ACOXL: variants seen among roughly 807,000 people sequenced by gnomAD.
The protein encoded by ACOXL is acyl-CoA oxidase like.
ACOXL carries 70 observed loss-of-function variants against 71.9 expected under a neutral mutation model. The observed-to-expected ratio is 0.97, with a 90% CI of 0.80 to 1.19. The LOEUF (loss-of-function observed/expected upper bound fraction) is 1.19, where lower values mean the gene tolerates loss of function less well. Among genes scored for constraint, ACOXL ranks in the 50% most tolerant of loss-of-function variants. The probability of loss-of-function intolerance (pLI) is 0.00; values close to 1 mark genes in which losing one functional copy is unlikely to be tolerated. For missense variants in ACOXL, 703 were observed against 736.3 expected, an observed-to-expected ratio of 0.95 and a Z score of 0.52; for synonymous variants, 253 against 281.6, an observed-to-expected ratio of 0.90 and a Z score of 1.02.
At chr2:110,773,819 G>A (rs1185421346) in intron 2 of ACOXL, among the ~76,000 whole-genome samples, 1 of 152,226 alleles carries the variant, frequency 6.6e-6, no homozygotes, top group Non-Finnish European at 1.5e-5. Context: ...GGCCGCCTGG[G>A]ATATCTTGGA....
intron 12 of ACOXL, 90 bp downstream of exon 12, chr2:110,933,732 G>C: frequency 7.0e-7 from 1 of 1,434,524 alleles, no homozygotes; most frequent in Non-Finnish European, 9.2e-7. Flanking sequence ...ACATGCTTCA[G>C]AGTCTAATAG....
At chr2:110,963,542 A>G (rs1474875983) in intron 12 of ACOXL, 4 of 1,544,062 alleles carry the variant, frequency 2.6e-6, no homozygotes, top group African/African-American at 2.7e-5. Flanking sequence ...AGTCCTATGT[A>G]GTGATGGGAT....
intron 1 of ACOXL, among the ~76,000 whole-genome samples, chr2:110,759,000 A>T (rs1680042748): frequency 6.6e-6 from 1 of 152,150 alleles, no homozygotes; most frequent in Non-Finnish European, 1.5e-5. Context: ...TGAATTTCTT[A>T]ATCTTGAGTT....
At chr2:110,979,031 C>T (rs750372640) in intron 12 of ACOXL, among the ~76,000 whole-genome samples, 10 of 152,014 alleles carry the variant, frequency 6.6e-5, no homozygotes, top group South Asian at 2.1e-4. Context: ...AGGGCGATTC[C>T]GGGGGTGAGT....
intron 12 of ACOXL, among the ~76,000 whole-genome samples, chr2:110,976,087 A>G (rs1181544247): frequency 1.3e-5 from 2 of 152,190 alleles, no homozygotes; most frequent in Non-Finnish European, 2.9e-5. Flanking sequence ...AGAGATTAGA[A>G]CCTGAAAACA....
chr2:110,895,014 C>G (rs139987647), intron 10 of ACOXL, among the ~76,000 whole-genome samples: 1 of 152,116 alleles, frequency 6.6e-6, no homozygotes, highest in African/African-American at 2.4e-5. Context: ...GAAAATCACT[C>G]ACTATATCAA....
intron 10 of ACOXL, among the ~76,000 whole-genome samples, chr2:110,878,802 G>A (rs1285419167): frequency 6.6e-6 from 1 of 151,700 alleles, no homozygotes; most frequent in African/African-American, 2.4e-5. Context: ...GCTCACACCT[G>A]TAATCTCAGC....
chr2:110,990,496 T>G (rs753463764), intron 13 of ACOXL, among the ~76,000 whole-genome samples: 6 of 152,184 alleles, frequency 3.9e-5, no homozygotes, highest in Non-Finnish European at 7.4e-5. Context: ...GTTATTTATT[T>G]TATTCTTTTC....
intron 11 of ACOXL, among the ~76,000 whole-genome samples, chr2:110,914,252 C>A (rs1371427418): frequency 6.6e-6 from 1 of 152,080 alleles, no homozygotes; most frequent in African/African-American, 2.4e-5. Context: ...TCGAAATTGT[C>A]TTGCTATTCT....
intron 3 of ACOXL, among the ~76,000 whole-genome samples, chr2:110,786,427 C>G (rs1683971935): frequency 1.3e-5 from 2 of 152,208 alleles, no homozygotes; most frequent in Admixed American, 1.3e-4. Flanking sequence ...ACGATCTCTT[C>G]CCTCTTGGAT....
intron 1 of ACOXL, among the ~76,000 whole-genome samples, chr2:110,750,588 C>T (rs1226751047): frequency 6.7e-6 from 1 of 148,530 alleles, no homozygotes; most frequent in African/African-American, 2.4e-5. Context: ...CATATATATA[C>T]ATTACATATT....
chr2:110,975,848 T>C (rs753025601), intron 12 of ACOXL, among the ~76,000 whole-genome samples: 3 of 151,134 alleles, frequency 2.0e-5, no homozygotes, highest in African/African-American at 4.9e-5. Context: ...AAGAACAAAT[T>C]TGAGAAAACT....
At chr2:110,953,348 T>A (rs73956485) in intron 12 of ACOXL, among the ~76,000 whole-genome samples, 1,707 of 150,634 alleles carry the variant, frequency 0.011, 31 homozygotes, top group African/African-American at 0.039. Flanking sequence ...ATATATATAT[T>A]TCAATTAATT....
intron 12 of ACOXL, among the ~76,000 whole-genome samples, chr2:110,959,493 T>C (rs2061621194): frequency 6.6e-6 from 1 of 152,188 alleles, no homozygotes; most frequent in Non-Finnish European, 1.5e-5. Context: ...TGAAAACAGC[T>C]GATGGCCCGT....
intron 16 of ACOXL, among the ~76,000 whole-genome samples, chr2:111,079,912 T>G (rs983119550): frequency 2.0e-5 from 3 of 151,990 alleles, no homozygotes; most frequent in Non-Finnish European, 2.9e-5. Context: ...AAGAATTAAT[T>G]CCATTCAGGG....
At chr2:110,747,544 A>G in intron 1 of ACOXL, among the ~76,000 whole-genome samples, 1 of 152,168 alleles carries the variant, frequency 6.6e-6, no homozygotes. Flanking sequence ...ACACTATAAA[A>G]ATAACCGTCC....
At chr2:111,056,043 C>T (rs1003575630) in intron 16 of ACOXL, among the ~76,000 whole-genome samples, 4 of 152,052 alleles carry the variant, frequency 2.6e-5, no homozygotes, top group Admixed American at 2.0e-4. Context: ...GTACCTGGCT[C>T]ACTTGAAGAG....
intron 17 of ACOXL, among the ~76,000 whole-genome samples, chr2:111,107,923 C>A (rs2069659313): frequency 6.6e-6 from 1 of 152,228 alleles, no homozygotes; most frequent in African/African-American, 2.4e-5. Context: ...CCACCCCAAT[C>A]CCTCTGTCCT....
At chr2:110,977,229 A>G (rs2149509766) in intron 12 of ACOXL, among the ~76,000 whole-genome samples, 1 of 152,042 alleles carries the variant, frequency 6.6e-6, no homozygotes, top group East Asian at 2.0e-4. Flanking sequence ...TACTAAAAAT[A>G]TAAAAAATTA....
Sources: gnomAD v4.1 joint callset for allele counts (sites outside exome capture counted in the v4.1 genomes callset) on GRCh38, gnomAD v4.1.1 for gene constraint, MANE v1.5 for transcripts, NCBI Gene and HGNC (gene_info 2026-07-23, HGNC 2026-07-21) for gene names.